PKD1L1: variants seen among roughly 807,000 people sequenced by gnomAD.
PKD1L1 encodes polycystin 1 like 1, transient receptor potential channel interacting.
A neutral mutation model predicts 323.4 loss-of-function variants in PKD1L1; 236 were observed. The observed-to-expected ratio is 0.73, with a 90% CI of 0.66 to 0.81. The LOEUF is 0.81. Among genes scored for constraint, PKD1L1 ranks in the 40% least tolerant of loss-of-function variants. The pLI is 0.00. For synonymous variants in PKD1L1, 1,344 were observed against 1,335.0 expected, an observed-to-expected ratio of 1.01 and a Z score of -0.15; for missense variants, 3,320 against 3,508.0, an observed-to-expected ratio of 0.95 and a Z score of 1.35.
At chr7:47,904,285 C>T in intron 12 of PKD1L1, 93 bp downstream of exon 12, 1 of 1,533,360 alleles carries the variant, frequency 6.5e-7, no homozygotes, top group East Asian at 2.3e-5. Flanking sequence ...GACTGACAGG[C>T]AGGTCTCTAT....
At chr7:47,901,056 A>C (rs1449704876) in intron 13 of PKD1L1, among the ~76,000 whole-genome samples, 3 of 152,160 alleles carry the variant, frequency 2.0e-5, no homozygotes, top group Non-Finnish European at 4.4e-5. Flanking sequence ...TAAAGAAAAA[A>C]TGACCGGGCA....
chr7:47,874,947 G>C (rs1786372257), intron 23 of PKD1L1, among the ~76,000 whole-genome samples: 1 of 152,172 alleles, frequency 6.6e-6, no homozygotes, highest in African/African-American at 2.4e-5. Flanking sequence ...TGAATGATTT[G>C]AGTAACATCA....
At chr7:47,788,844 A>G (rs1188822133) in intron 56 of PKD1L1, among the ~76,000 whole-genome samples, 6 of 149,016 alleles carry the variant, frequency 4.0e-5, no homozygotes, top group Admixed American at 2.7e-4. Flanking sequence ...TGATCCGCCC[A>G]CCTTGGCCTC....
At chr7:47,908,915 C>T (rs1357334498) in intron 8 of PKD1L1, among the ~76,000 whole-genome samples, 2 of 152,148 alleles carry the variant, frequency 1.3e-5, no homozygotes, top group African/African-American at 4.8e-5. Flanking sequence ...ATAGCCTGGC[C>T]TAGTCTGCTG....
At chr7:47,823,615 G>A (rs958073423) in intron 45 of PKD1L1, among the ~76,000 whole-genome samples, 2 of 152,116 alleles carry the variant, frequency 1.3e-5, no homozygotes, top group South Asian at 2.1e-4. Context: ...GTTTTCCCAC[G>A]AGGAAACACA....
chr7:47,785,693 T>C (rs1266683981), intron 56 of PKD1L1, among the ~76,000 whole-genome samples: 1 of 151,820 alleles, frequency 6.6e-6, no homozygotes, highest in Middle Eastern at 3.2e-3. Flanking sequence ...AGTTGGGGCA[T>C]CTCTAGGGCA....
At chr7:47,882,163 GA>G in intron 19 of PKD1L1, 78 bp from the exon 20 acceptor site, 1 of 1,394,654 alleles carries the variant, frequency 7.2e-7, no homozygotes. Flanking sequence ...ATTCAATGCT[GA>G]TATTAATAAC....
In PKD1L1 at chr7:47,815,402, T is replaced by C; in HGVS notation, c.7021A>G (p.Ser2341Gly). Reference protein sequence around the residue: ...LRNIADWWDWSLTTLLDGLYP... With the variant: ...LRNIADWWDWGLTTLLDGLYP... Reference sequence around the variant, plus strand: ...AGGCCATCCAGAAGTGTGGTCAGACTCCAGTCCCACCAGTCAGCGATGTTT... The same window carrying C: ...AGGCCATCCAGAAGTGTGGTCAGACCCCAGTCCCACCAGTCAGCGATGTTT... The change falls in exon 47 of 57, where the codon AGT (serine) becomes GGT (glycine). Residue 2341 changes from serine (S) to glycine (G), a missense_variant. Ser to Gly is a moderately conservative substitution (Grantham distance 56). Coordinates refer to ENST00000289672, the MANE Select transcript of PKD1L1 (RefSeq NM_138295.5). The C allele has an allele frequency of 6.2e-7, 1 of 1,614,094 alleles. No homozygotes were observed. Among genetic ancestry groups the C allele is most frequent in the Non-Finnish European group, 8.5e-7 (1 of 1,179,984 alleles).
In PKD1L1 at chr7:47,929,294, T is replaced by A. The variant is rs944419000; in HGVS notation, c.970A>T (p.Met324Leu). ...ACCCCAGAACTGTCCCCGAAATCCA[T>A]CATCAGACAGAGAGCCTCTCCAGAA... ...MASGEALCLM[M>L]DFGDSSGVEM... is the part of the protein sequence containing the mutation. Residue 324 changes from methionine (M) to leucine (L), a missense_variant, in exon 7 of 57, where the codon ATG (methionine) becomes TTG (leucine). Coordinates refer to ENST00000289672, the MANE Select transcript of PKD1L1 (RefSeq NM_138295.5). The A allele has an allele frequency of 2.5e-6, 4 of 1,614,062 alleles. No individual in the cohort carries two copies. The highest frequency in any genetic ancestry group is 3.4e-6 in the Non-Finnish European group (4 of 1,180,016).
At chr7:47,879,589 TGCCTCTGCA>T (rs1381071572) in intron 21 of PKD1L1, among the ~76,000 whole-genome samples, 1 of 130,724 alleles carries the variant, frequency 7.6e-6, no homozygotes, top group Non-Finnish European at 1.6e-5. Context: ...GCTGAGACCG[TGCCTCTGCA>T]CTCCAGCCTG....
At chr7:47,894,569 G>A (rs73333669) in intron 14 of PKD1L1, among the ~76,000 whole-genome samples, 4,561 of 152,130 alleles carry the variant, frequency 0.03, 231 homozygotes, top group African/African-American at 0.1. Flanking sequence ...AGTTTGATGC[G>A]GCCAGGCGCG....
intron 45 of PKD1L1, among the ~76,000 whole-genome samples, chr7:47,826,217 G>T (rs1350281750): frequency 2.0e-5 from 3 of 152,326 alleles, no homozygotes; most frequent in Middle Eastern, 3.4e-3. Context: ...AAGCTATAGG[G>T]TGGGTGCACT....
Position 47,819,409 on chromosome 7 carries a change from T to C in PKD1L1, c.6965+1667A>G, listed in dbSNP as rs929193749. ...TGTCAAATAATGTTGACTTGTGAAA[T>C]GTGAGATGAAAAATAAACTAGCAAA... On this transcript the variant is annotated intron_variant, in intron 46 of 56. Transcript: ENST00000289672. 1.7e-5 allele frequency: 9 copies of C among 516,864 alleles called. No individual in the cohort carries two copies. The African/African-American group carries it at 1.9e-4, about 11-fold the overall frequency. 32.0% of individuals were successfully genotyped at this position (516,864 alleles called of 1,614,324 possible). A position where few individuals can be genotyped will look rare whatever the true frequency, so the allele number is the denominator to read the frequency against.
chr7:47,844,114 T>C (rs899455236), intron 33 of PKD1L1, among the ~76,000 whole-genome samples: 1 of 152,212 alleles, frequency 6.6e-6, no homozygotes, highest in African/African-American at 2.4e-5. Flanking sequence ...CCCCCATGGT[T>C]TGCCCCAGCC....
At chr7:47,826,962 G>C (rs932948759) in intron 45 of PKD1L1, among the ~76,000 whole-genome samples, 1 of 152,202 alleles carries the variant, frequency 6.6e-6, no homozygotes, top group African/African-American at 2.4e-5. Flanking sequence ...ATTCCTGTGT[G>C]TCCCAGCTGG....
intron 41 of PKD1L1, 31 bp from the exon 42 acceptor site, chr7:47,831,383 C>A: frequency 1.3e-6 from 2 of 1,583,718 alleles, no homozygotes; most frequent in Non-Finnish European, 1.7e-6. Flanking sequence ...GACAAGGCAG[C>A]TTAAGAGACC....
chr7:47,949,882 C>T (rs1788178455), upstream of PKD1L1, among the ~76,000 whole-genome samples: 1 of 152,096 alleles, frequency 6.6e-6, no homozygotes, highest in African/African-American at 2.4e-5. Context: ...AACCAGAGCC[C>T]TGTGGTGGGT....
At position 47,831,246 on chromosome 7, in the gene PKD1L1, G is replaced by T; in HGVS notation, c.6444C>A (p.Cys2148Ter). The T allele has an allele frequency of 6.2e-7, 1 of 1,614,070 alleles. No homozygotes were observed. Among genetic ancestry groups the T allele is most frequent in the Non-Finnish European group, 8.5e-7 (1 of 1,179,980 alleles). ...AGGCTAGAAATCCTGTCCCCAAACTGCAGGCCAAAGAAGCGGTCCCACAAA... is the reference window on the plus strand; with the variant it reads ...AGGCTAGAAATCCTGTCCCCAAACTTCAGGCCAAAGAAGCGGTCCCACAAA... ...WAICGTASLA[C>*]SLGTGFLAYR... The change falls in exon 42 of 57, where the codon TGC becomes TGA. Residue 2148 changes from cysteine to a stop codon, truncating the protein, a stop_gained. Transcript: ENST00000289672. LOFTEE classifies it high-confidence loss of function.
At chr7:47,944,665 G>A (rs1788060712) in intron 1 of PKD1L1, among the ~76,000 whole-genome samples, 1 of 152,200 alleles carries the variant, frequency 6.6e-6, no homozygotes, top group Non-Finnish European at 1.5e-5. Flanking sequence ...CCAAAGCTCT[G>A]CCCCTTGGCA....
Sources: allele counts gnomAD v4.1 joint callset (sites outside exome capture counted in the v4.1 genomes callset), GRCh38; gene constraint gnomAD v4.1.1; transcripts MANE v1.5; gene names NCBI Gene and HGNC (gene_info 2026-07-23, HGNC 2026-07-21).